Variants in ASIC2 observed in about 807,000 individuals in gnomAD.
ASIC2 encodes the protein acid sensing ion channel subunit 2.
In ASIC2, 25 loss-of-function variants were observed where a neutral mutation model predicts 57.3. The observed-to-expected ratio is 0.44, with a 90% CI of 0.32 to 0.61. The LOEUF is 0.61. ASIC2 is among the 20% of genes least tolerant of loss of function. The pLI is 0.06. For missense variants in ASIC2, 641 were observed against 738.1 expected (o/e 0.87, Z 1.52); for synonymous variants, 319 against 307.5 (o/e 1.04, Z -0.39).
At chr17:33,712,520 G>T (rs954985755) in intron 1 of ASIC2, among the ~76,000 whole-genome samples, 8 of 152,006 alleles carry the variant, frequency 5.3e-5, no homozygotes, top group Admixed American at 3.9e-4. Flanking sequence ...GATTTAGCAG[G>T]TCTTCTGCCT....
At chr17:33,203,069 T>G (rs954905394) in intron 1 of ASIC2, among the ~76,000 whole-genome samples, 1 of 152,150 alleles carries the variant, frequency 6.6e-6, no homozygotes, top group Non-Finnish European at 1.5e-5. Flanking sequence ...CCCAGAAAAT[T>G]TGCACGTGCT....
intron 1 of ASIC2, among the ~76,000 whole-genome samples, chr17:33,349,139 C>T (rs149905690): frequency 6.6e-6 from 1 of 152,320 alleles, no homozygotes; most frequent in African/African-American, 2.4e-5. Flanking sequence ...CTGCTTCTCA[C>T]CTGTACCTAT....
intron 1 of ASIC2, among the ~76,000 whole-genome samples, chr17:33,961,067 G>A (rs1387721158): frequency 1.3e-5 from 2 of 152,210 alleles, no homozygotes; most frequent in Admixed American, 6.5e-5. Flanking sequence ...GATGATCAAC[G>A]CCCAGGCCAA....
At chr17:33,465,849 G>A (rs1912847410) in intron 1 of ASIC2, among the ~76,000 whole-genome samples, 1 of 152,200 alleles carries the variant, frequency 6.6e-6, no homozygotes, top group Non-Finnish European at 1.5e-5. Flanking sequence ...CCCAACTTAT[G>A]TGGAGATGTG....
At chr17:34,120,536 G>A (rs1010821343) in intron 1 of ASIC2, among the ~76,000 whole-genome samples, 10 of 151,712 alleles carry the variant, frequency 6.6e-5, no homozygotes, top group African/African-American at 2.4e-4. Flanking sequence ...CAGGGGGTAG[G>A]GGAGAAGAGG....
chr17:33,610,456 A>C (rs2142015199), intron 1 of ASIC2, among the ~76,000 whole-genome samples: 1 of 151,796 alleles, frequency 6.6e-6, no homozygotes, highest in South Asian at 2.1e-4. Context: ...CACACCCCCC[A>C]CCGCCCATTG....
chr17:33,885,833 T>C (rs1208077323), intron 1 of ASIC2, among the ~76,000 whole-genome samples: 1 of 152,234 alleles, frequency 6.6e-6, no homozygotes, highest in Non-Finnish European at 1.5e-5. Flanking sequence ...ATTATAGACC[T>C]GTTCAGATGA....
chr17:33,640,467 A>G (rs72811170), intron 1 of ASIC2, among the ~76,000 whole-genome samples: 13 of 152,328 alleles, frequency 8.5e-5, no homozygotes, highest in Non-Finnish European at 1.8e-4. Flanking sequence ...ATCCACCTGG[A>G]TTAGACAGCC....
intron 1 of ASIC2, among the ~76,000 whole-genome samples, chr17:33,895,418 C>T (rs1316459326): frequency 2.0e-5 from 3 of 152,158 alleles, no homozygotes; most frequent in Admixed American, 2.0e-4. Flanking sequence ...CCACCTCAGC[C>T]TCCCAAGGCC....
intron 1 of ASIC2, among the ~76,000 whole-genome samples, chr17:33,289,368 G>A (rs1332782818): frequency 1.3e-5 from 2 of 152,164 alleles, no homozygotes; most frequent in Admixed American, 1.3e-4. Flanking sequence ...TTGAAGTCAG[G>A]TGGCTCCTGA....
At chr17:34,053,970 T>A (rs546109053) in intron 1 of ASIC2, among the ~76,000 whole-genome samples, 17 of 152,276 alleles carry the variant, frequency 1.1e-4, no homozygotes, top group African/African-American at 4.1e-4. Flanking sequence ...TTTGTCTTTG[T>A]TTTCCCCAGC....
At chr17:33,177,939 CA>C (rs1905825388) in intron 1 of ASIC2, among the ~76,000 whole-genome samples, 1 of 152,100 alleles carries the variant, frequency 6.6e-6, no homozygotes, top group South Asian at 2.1e-4. Context: ...GAGACCTGAT[CA>C]AAACTGAGGG....
At chr17:33,777,083 TG>T (rs145308994) in intron 1 of ASIC2, among the ~76,000 whole-genome samples, 24 of 152,346 alleles carry the variant, frequency 1.6e-4, no homozygotes, top group African/African-American at 5.5e-4. Flanking sequence ...AGCCAATGTC[TG>T]CCTCTTGGGC....
intron 1 of ASIC2, among the ~76,000 whole-genome samples, chr17:33,190,778 ACAC>A (rs1906382749): frequency 6.6e-6 from 1 of 152,176 alleles, no homozygotes; most frequent in African/African-American, 2.4e-5. Flanking sequence ...AGATGCCACT[ACAC>A]TAAGCACCAT....
At chr17:33,540,475 G>A (rs545145408) in intron 1 of ASIC2, among the ~76,000 whole-genome samples, 1 of 152,226 alleles carries the variant, frequency 6.6e-6, no homozygotes, top group South Asian at 2.1e-4. Flanking sequence ...TAAAGATTGA[G>A]GGGGAGGACA....
At chr17:33,798,943 A>T (rs1184875053) in intron 1 of ASIC2, among the ~76,000 whole-genome samples, 1 of 152,114 alleles carries the variant, frequency 6.6e-6, no homozygotes, top group Non-Finnish European at 1.5e-5. Flanking sequence ...AACCACAGCA[A>T]TTGGGAGCTG....
At chr17:33,997,979 T>A (rs1487070043) in intron 1 of ASIC2, among the ~76,000 whole-genome samples, 2 of 152,176 alleles carry the variant, frequency 1.3e-5, no homozygotes, top group Non-Finnish European at 2.9e-5. Context: ...AATTATTTTT[T>A]AAATGTTTGC....
chr17:34,032,256 C>A (rs1184776626), intron 1 of ASIC2, among the ~76,000 whole-genome samples: 1 of 152,140 alleles, frequency 6.6e-6, no homozygotes, highest in Non-Finnish European at 1.5e-5. Flanking sequence ...CATATCCAGC[C>A]AAACTAAGCT....
chr17:33,861,577 T>C (rs936582111), intron 1 of ASIC2, among the ~76,000 whole-genome samples: 6 of 152,236 alleles, frequency 3.9e-5, no homozygotes, highest in Admixed American at 3.9e-4. Context: ...GAGCTTTATG[T>C]AATGCATTAA....
Sources: allele counts gnomAD v4.1 joint callset (sites outside exome capture counted in the v4.1 genomes callset), GRCh38; gene constraint gnomAD v4.1.1; transcripts MANE v1.5; gene names NCBI Gene and HGNC (gene_info 2026-07-23, HGNC 2026-07-21).